RBPMS: variants seen among roughly 807,000 people sequenced by gnomAD.
RBPMS encodes the protein RNA-binding protein with multiple splicing.
A neutral mutation model predicts 26.8 loss-of-function variants in RBPMS; 7 were observed. The ratio of observed to expected loss-of-function variants is 0.26; its 90% CI spans 0.15 to 0.49. RBPMS has a LOEUF of 0.49. Ranked by LOEUF, RBPMS falls within the 20% of genes least tolerant of loss-of-function variation. The pLI, the probability that RBPMS is intolerant of heterozygous loss-of-function variation, is 0.98. For synonymous variants in RBPMS, 96 were observed against 93.3 expected, an observed-to-expected ratio of 1.03 and a Z score of -0.17; for missense variants, 186 against 250.0, an observed-to-expected ratio of 0.74 and a Z score of 1.73.
chr8:30,563,184 G>C (rs1008980764), intron 7 of RBPMS, among the ~76,000 whole-genome samples: 3 of 152,208 alleles, frequency 2.0e-5, no homozygotes, highest in Admixed American at 6.5e-5. Flanking sequence ...AGGAGAGGGG[G>C]GGTCAGAAGG....
chr8:30,505,491 A>G lies in RBPMS; in HGVS notation c.397+1055A>G, dbSNP rs16877094. Among the ~76,000 whole-genome samples the G allele has an allele frequency of 6.0e-3, 920 of 152,344 alleles. 8 individuals carry two copies. Among genetic ancestry groups the G allele is most frequent in the African/African-American group, 0.021 (864 of 41,576 alleles). The stretch of plus-strand genomic sequence containing the variant: ...GGTACTCATCAGTAGAAACTAACAG[A>G]TAAGTCTCCCTGAATGTTCTAAAAT... On this transcript the variant is annotated intron_variant, in intron 5 of 8. Coordinates refer to ENST00000397323, the MANE Select transcript of RBPMS (RefSeq NM_001008710.3).
rs529058255 is a variant in RBPMS at position 30,417,648 on chromosome 8, A to G, written c.66+32490A>G. ...AAGTGTGACCACAGTTAACGGTTTA[A>G]TGTGCATCTTTTTATGTACTTAACA... On this transcript the variant is annotated intron_variant, in intron 1 of 8. Transcript: ENST00000397323. Among the ~76,000 whole-genome samples the G allele has an allele frequency of 1.1e-4, 16 of 152,298 alleles. No individual in the cohort carries two copies. The South Asian group carries it at 1.9e-3, about 18-fold the overall frequency.
intron 1 of RBPMS, among the ~76,000 whole-genome samples, chr8:30,450,019 T>G (rs1563329785): frequency 6.6e-6 from 1 of 152,248 alleles, no homozygotes; most frequent in Non-Finnish European, 1.5e-5. Context: ...GAACAGTTTA[T>G]CTTTCTTTTA....
chr8:30,481,316 A>G (rs1307135014), intron 4 of RBPMS, among the ~76,000 whole-genome samples: 1 of 150,064 alleles, frequency 6.7e-6, no homozygotes, highest in Non-Finnish European at 1.5e-5. Flanking sequence ...TTTAAATGAT[A>G]ATAGTCAAAA....
At chr8:30,481,348 A>G (rs961233133) in intron 4 of RBPMS, among the ~76,000 whole-genome samples, 4 of 152,188 alleles carry the variant, frequency 2.6e-5, no homozygotes, top group Non-Finnish European at 4.4e-5. Context: ...TCCTCATCAT[A>G]CTGAGTACAG....
At chr8:30,516,370 G>A (rs1296628500) in intron 5 of RBPMS, among the ~76,000 whole-genome samples, 1 of 151,218 alleles carries the variant, frequency 6.6e-6, no homozygotes, top group Non-Finnish European at 1.5e-5. Flanking sequence ...GGGGGACAGA[G>A]TGAGTGAAAC....
intron 4 of RBPMS, among the ~76,000 whole-genome samples, chr8:30,497,912 A>G (rs1347792905): frequency 6.6e-6 from 1 of 151,862 alleles, no homozygotes; most frequent in African/African-American, 2.4e-5. Context: ...ATGATCCACC[A>G]AGCCCGGCCA....
intron 4 of RBPMS, among the ~76,000 whole-genome samples, chr8:30,486,894 G>A (rs1818852720): frequency 9.2e-5 from 14 of 152,074 alleles, no homozygotes; most frequent in Admixed American, 9.2e-4. Flanking sequence ...CTTTTATGAG[G>A]ATCTATTTGT....
intron 8 of RBPMS, among the ~76,000 whole-genome samples, chr8:30,569,953 G>C (rs1214930936): frequency 6.6e-6 from 1 of 152,326 alleles, no homozygotes; most frequent in South Asian, 2.1e-4. Flanking sequence ...GCCCACTGTG[G>C]AAAGCTCTGC....
At chr8:30,511,486 AATAT>A (rs869100800) in intron 5 of RBPMS, among the ~76,000 whole-genome samples, 34 of 23,488 alleles carry the variant, frequency 1.4e-3, no homozygotes, top group South Asian at 1.8e-3. Context: ...AAAAAAAAAA[AATAT>A]ATATATATAT....
intron 1 of RBPMS, among the ~76,000 whole-genome samples, chr8:30,460,584 A>G (rs1023655189): frequency 7.9e-5 from 12 of 152,194 alleles, no homozygotes; most frequent in African/African-American, 2.7e-4. Flanking sequence ...TTTATTTTCT[A>G]TATTACATCA....
At chr8:30,450,667 G>T (rs966360152) in intron 1 of RBPMS, among the ~76,000 whole-genome samples, 1 of 151,866 alleles carries the variant, frequency 6.6e-6, no homozygotes, top group African/African-American at 2.4e-5. Context: ...AGTATTTCCA[G>T]AGAGCTGCAT....
chr8:30,472,716 G>C (rs1410841205), intron 1 of RBPMS, among the ~76,000 whole-genome samples: 1 of 152,168 alleles, frequency 6.6e-6, no homozygotes, highest in African/African-American at 2.4e-5. Flanking sequence ...ACTGTGCTGG[G>C]TCAATAAAAG....
At chr8:30,408,976 A>C (rs1808971714) in intron 1 of RBPMS, among the ~76,000 whole-genome samples, 1 of 152,092 alleles carries the variant, frequency 6.6e-6, no homozygotes, top group Non-Finnish European at 1.5e-5. Flanking sequence ...GGCTTTTTTC[A>C]CTTAGCATCA....
intron 5 of RBPMS, among the ~76,000 whole-genome samples, chr8:30,511,663 A>G (rs1821732237): frequency 1.3e-5 from 2 of 150,990 alleles, no homozygotes; most frequent in South Asian, 4.2e-4. Context: ...ATATATATAC[A>G]CACAAAAAAA....
At chr8:30,490,397 A>G (rs576586223) in intron 4 of RBPMS, among the ~76,000 whole-genome samples, 76 of 152,094 alleles carry the variant, frequency 5.0e-4, no homozygotes, top group African/African-American at 1.6e-3. Context: ...CCCAACATCC[A>G]TTGATTATAA....
intron 1 of RBPMS, among the ~76,000 whole-genome samples, chr8:30,419,569 C>T (rs1289532910): frequency 6.6e-6 from 1 of 151,820 alleles, no homozygotes; most frequent in Non-Finnish European, 1.5e-5. Context: ...TGACGTACCA[C>T]AAGTGGAAAA....
At chr8:30,488,697 T>C (rs1819054630) in intron 4 of RBPMS, among the ~76,000 whole-genome samples, 1 of 152,226 alleles carries the variant, frequency 6.6e-6, no homozygotes, top group African/African-American at 2.4e-5. Flanking sequence ...TTGAAACTAC[T>C]CTTAAAATAA....
chr8:30,482,264 C>T (rs577439064), intron 4 of RBPMS, among the ~76,000 whole-genome samples: 2 of 152,264 alleles, frequency 1.3e-5, no homozygotes, highest in East Asian at 3.9e-4. Context: ...GTCATCTGTC[C>T]AGGGTTCTCT....
Sources: allele counts gnomAD v4.1 joint callset (sites outside exome capture counted in the v4.1 genomes callset), GRCh38; gene constraint gnomAD v4.1.1; transcripts MANE v1.5; gene names NCBI Gene and HGNC (gene_info 2026-07-23, HGNC 2026-07-21).